PLCB1: variants seen among roughly 807,000 people sequenced by gnomAD.
The protein encoded by PLCB1 is phospholipase C beta 1.
Under a neutral mutation model 161.8 loss-of-function variants are expected in PLCB1, and 46 were observed. That is an observed-to-expected ratio of 0.28 (90% CI 0.22 to 0.36). PLCB1 has a LOEUF of 0.36. Among genes scored for constraint, PLCB1 ranks in the 10% least tolerant of loss-of-function variants. PLCB1 has a pLI of 1.00. For synonymous variants in PLCB1, 517 were observed against 503.7 expected, an observed-to-expected ratio of 1.03 and a Z score of -0.35; for missense variants, 1,016 against 1,472.5, an observed-to-expected ratio of 0.69 and a Z score of 5.07.
intron 3 of PLCB1, among the ~76,000 whole-genome samples, chr20:8,414,109 T>C (rs1979164341): frequency 6.6e-6 from 1 of 151,926 alleles, no homozygotes; most frequent in African/African-American, 2.4e-5. Context: ...TAATTTTCAT[T>C]GAAAGGTAGA....
chr20:8,506,350 G>C (rs1205955037), intron 3 of PLCB1, among the ~76,000 whole-genome samples: 2 of 152,096 alleles, frequency 1.3e-5, no homozygotes, highest in Non-Finnish European at 2.9e-5. Context: ...ATGGTAGAAG[G>C]TTTTATAAGC....
At chr20:8,312,091 GT>G (rs1984427093) in intron 2 of PLCB1, among the ~76,000 whole-genome samples, 1 of 152,148 alleles carries the variant, frequency 6.6e-6, no homozygotes, top group Non-Finnish European at 1.5e-5. Context: ...CACCTGGCCT[GT>G]GCTTTTAGAG....
intron 3 of PLCB1, among the ~76,000 whole-genome samples, chr20:8,610,864 T>C (rs1310662535): frequency 1.3e-5 from 2 of 152,058 alleles, no homozygotes; most frequent in East Asian, 3.8e-4. Context: ...CTATGATAAA[T>C]TTCAAGTTGA....
At chr20:8,280,284 G>C (rs1218054330) in intron 2 of PLCB1, among the ~76,000 whole-genome samples, 1 of 150,770 alleles carries the variant, frequency 6.6e-6, no homozygotes, top group Non-Finnish European at 1.5e-5. Context: ...GCATTGAGCA[G>C]AGGTCACACA....
intron 3 of PLCB1, among the ~76,000 whole-genome samples, chr20:8,439,585 G>A (rs1980463992): frequency 6.6e-6 from 1 of 152,116 alleles, no homozygotes; most frequent in Non-Finnish European, 1.5e-5. Flanking sequence ...CTTTGAAGTT[G>A]TGTCGTATTT....
chr20:8,682,240 C>T (rs1990240237), intron 9 of PLCB1, among the ~76,000 whole-genome samples: 1 of 152,142 alleles, frequency 6.6e-6, no homozygotes, highest in Non-Finnish European at 1.5e-5. Flanking sequence ...GCGGCTCACG[C>T]CTGTAACCTC....
chr20:8,571,079 T>G (rs936696054), intron 3 of PLCB1, among the ~76,000 whole-genome samples: 2 of 152,200 alleles, frequency 1.3e-5, no homozygotes, highest in Non-Finnish European at 2.9e-5. Flanking sequence ...CATGTAAAAC[T>G]GTGGAGACAA....
chr20:8,627,206 A>G (rs958949340), intron 3 of PLCB1, among the ~76,000 whole-genome samples: 2 of 152,222 alleles, frequency 1.3e-5, no homozygotes, highest in Admixed American at 6.5e-5. Flanking sequence ...TATTAACTAA[A>G]GAGAGAATTA....
intron 2 of PLCB1, among the ~76,000 whole-genome samples, chr20:8,235,987 A>G (rs889046153): frequency 3.3e-5 from 5 of 152,158 alleles, no homozygotes; most frequent in East Asian, 1.9e-4. Context: ...AAGGAATAAT[A>G]TTTTAAAGAT....
At chr20:8,685,151 C>A in intron 10 of PLCB1, 73 bp downstream of exon 10, 1 of 1,417,380 alleles carries the variant, frequency 7.1e-7, no homozygotes, top group Non-Finnish European at 9.9e-7. Context: ...TTCTGTTGTT[C>A]GGAAGCTGAA....
chr20:8,265,232 TC>T (rs1429723710), intron 2 of PLCB1, among the ~76,000 whole-genome samples: 1 of 152,202 alleles, frequency 6.6e-6, no homozygotes, highest in African/African-American at 2.4e-5. Flanking sequence ...CAGTGTCTAT[TC>T]CTTAGAGCAG....
chr20:8,763,477 C>T (rs1167511812), intron 25 of PLCB1, among the ~76,000 whole-genome samples: 2 of 152,136 alleles, frequency 1.3e-5, no homozygotes, highest in Admixed American at 6.5e-5. Flanking sequence ...CCTCTGCTTC[C>T]CAGGTTCAAG....
intron 3 of PLCB1, among the ~76,000 whole-genome samples, chr20:8,530,725 C>T (rs1437619147): frequency 6.6e-6 from 1 of 152,054 alleles, no homozygotes; most frequent in East Asian, 1.9e-4. Context: ...CCTACAATCA[C>T]AAGAGTCTGA....
At chr20:8,201,795 A>T (rs2052093738) in intron 2 of PLCB1, among the ~76,000 whole-genome samples, 1 of 152,250 alleles carries the variant, frequency 6.6e-6, no homozygotes, top group African/African-American at 2.4e-5. Flanking sequence ...CAATGATGCT[A>T]TCAGTGACAT....
intron 2 of PLCB1, among the ~76,000 whole-genome samples, chr20:8,343,761 A>G (rs111548328): frequency 3.3e-5 from 5 of 152,292 alleles, no homozygotes; most frequent in African/African-American, 1.2e-4. Flanking sequence ...GCCTGTATTT[A>G]TCAGTGATTT....
chr20:8,650,764 A>G (rs1271298733), intron 7 of PLCB1, among the ~76,000 whole-genome samples: 1 of 152,220 alleles, frequency 6.6e-6, no homozygotes, highest in Non-Finnish European at 1.5e-5. Context: ...TGTATAAGCT[A>G]TGTAAGCAAT....
At chr20:8,826,267 G>A (rs573016059) in intron 31 of PLCB1, among the ~76,000 whole-genome samples, 8 of 152,002 alleles carry the variant, frequency 5.3e-5, no homozygotes, top group African/African-American at 1.5e-4. Context: ...AGGCCGAGGC[G>A]GGTGGATCAC....
chr20:8,744,640 TAAAATAAAATAAAATA>T (rs1417833761), intron 23 of PLCB1, among the ~76,000 whole-genome samples: 1 of 148,786 alleles, frequency 6.7e-6, no homozygotes, highest in African/African-American at 2.5e-5. Context: ...TAAAATAAAA[TAAAATAAAATAAAATA>T]AAAAAATAAA....
chr20:8,245,727 G>A (rs369530325), intron 2 of PLCB1, among the ~76,000 whole-genome samples: 7 of 151,868 alleles, frequency 4.6e-5, no homozygotes, highest in African/African-American at 9.7e-5. Flanking sequence ...GAGTGTATGC[G>A]TTTGGTATGA....
Sources: gnomAD v4.1 joint callset for allele counts (sites outside exome capture counted in the v4.1 genomes callset) on GRCh38, gnomAD v4.1.1 for gene constraint, MANE v1.5 for transcripts, NCBI Gene and HGNC (gene_info 2026-07-23, HGNC 2026-07-21) for gene names.